The following GLE1 variants were observed in gnomAD, a reference collection of about 807,000 sequenced individuals.
GLE1 encodes mRNA export factor GLE1.
GLE1 carries 78 observed loss-of-function variants against 97.3 expected under a neutral mutation model. The ratio of observed to expected loss-of-function variants is 0.80; its 90% CI spans 0.67 to 0.97. GLE1 has a LOEUF of 0.97. GLE1 is among the 50% of genes least tolerant of loss of function. GLE1 has a pLI of 0.00. For synonymous variants in GLE1, 302 were observed against 313.4 expected (o/e 0.96, Z 0.39); for missense variants, 753 against 857.5 (o/e 0.88, Z 1.52).
At chr9:128,523,417 T>C in intron 5 of GLE1, 77 bp downstream of exon 5, 1 of 1,412,040 alleles carries the variant, frequency 7.1e-7, no homozygotes, top group Non-Finnish European at 1.0e-6. Context: ...TTTTGGCAGA[T>C]GGCCACCATG....
At chr9:128,517,895 A>G (rs1216919458) in intron 3 of GLE1, among the ~76,000 whole-genome samples, 7 of 151,870 alleles carry the variant, frequency 4.6e-5, no homozygotes, top group Non-Finnish European at 8.8e-5. Flanking sequence ...GTGTTCCTTG[A>G]TATACATGTC....
Position 128,533,956 on chromosome 9 carries a change from AGTT to A in GLE1, c.1646+9_1646+11del. On this transcript the variant is annotated splice_donor_region_variant and intron_variant, in intron 11 of 15. Coordinates refer to ENST00000309971, the MANE Select transcript of GLE1 (RefSeq NM_001003722.2). ...GGCTTTGGAAGACTATCAGAGGTAA[AGTT>A]GTTTTTCTCCCTACTCACTATCCCT... The A allele has an allele frequency of 6.3e-7, 1 of 1,593,656 alleles. No individual in the cohort carries two copies. The highest frequency in any genetic ancestry group is 8.6e-7 in the Non-Finnish European group (1 of 1,161,402).
chr9:128,537,406 T>C (rs1847746720), intron 12 of GLE1, among the ~76,000 whole-genome samples: 1 of 124,964 alleles, frequency 8.0e-6, no homozygotes, highest in Admixed American at 1.0e-4. Flanking sequence ...TGAGCCGAGA[T>C]CACGCCATTG....
chr9:128,533,455 AAAAG>A, intron 9 of GLE1, 54 bp from the exon 10 acceptor site: 1 of 1,216,880 alleles, frequency 8.2e-7, no homozygotes. Context: ...AAAAAAAAGG[AAAAG>A]AAAAAGAGAT....
chr9:128,523,359 T>G lies in GLE1; in HGVS notation c.642+19T>G. 1 of 1,603,134 alleles carries G rather than the reference T, an allele frequency of 6.2e-7. No individual in the cohort carries two copies. Among genetic ancestry groups the G allele is most frequent in the African/African-American group, 1.3e-5 (1 of 74,678 alleles). On this transcript the variant is annotated intron_variant, in intron 5 of 15. Coordinates refer to ENST00000309971, the MANE Select transcript of GLE1 (RefSeq NM_001003722.2). ...AGCAAAGGTCAGAGCCTGGCAGAAT[T>G]GGTGTGGGTGTTTTGGTGTCTGTCT...
rs1846589067 is a variant in GLE1, at chr9:128,504,752, G to C, written c.-54G>C. On this transcript the variant is annotated 5_prime_UTR_variant, in exon 1 of 16. Coordinates refer to ENST00000309971, the MANE Select transcript of GLE1 (RefSeq NM_001003722.2). Reference sequence around the variant, plus strand: ...GTGTGGCCTTCCCGGCGGCTGATTCGAGGGCTTGTTTGGTCAGAAGGGGGG... The same window carrying C: ...GTGTGGCCTTCCCGGCGGCTGATTCCAGGGCTTGTTTGGTCAGAAGGGGGG... 6.5e-6 allele frequency: 8 copies of C among 1,236,312 alleles called. No homozygotes were observed. The East Asian group carries it at 1.6e-4, about 25-fold the overall frequency. The allele number at this position is 1,236,312 out of a possible 1,614,324, so 76.6% of individuals were successfully genotyped here. A position where few individuals can be genotyped will look rare whatever the true frequency, so the allele number is the denominator to read the frequency against.
chr9:128,518,517 C>T (rs949292069), intron 3 of GLE1, among the ~76,000 whole-genome samples: 1 of 151,964 alleles, frequency 6.6e-6, no homozygotes, highest in Non-Finnish European at 1.5e-5. Flanking sequence ...GCCAAAATCG[C>T]ACCACTGTAC....
chr9:128,540,400 GA>G, intron 15 of GLE1, 62 bp downstream of exon 15: 1 of 1,036,736 alleles, frequency 9.6e-7, no homozygotes, highest in Admixed American at 1.7e-5. Context: ...ACCTATGTCT[GA>G]CAAGTCTTGG....
intron 9 of GLE1, among the ~76,000 whole-genome samples, chr9:128,531,550 C>T (rs1295532660): frequency 1.4e-5 from 2 of 142,274 alleles, no homozygotes; most frequent in African/African-American, 2.6e-5. Flanking sequence ...AAGTGGATGT[C>T]GCCGGGTGTG....
chr9:128,510,119 A>G (rs1289270404), intron 2 of GLE1, among the ~76,000 whole-genome samples: 3 of 151,808 alleles, frequency 2.0e-5, no homozygotes, highest in Non-Finnish European at 4.4e-5. Flanking sequence ...GTGCAGTGGC[A>G]TGAACATGGC....
chr9:128,525,551 T>G, intron 7 of GLE1, 128 bp downstream of exon 7: 1 of 728,980 alleles, frequency 1.4e-6, no homozygotes, highest in Non-Finnish European at 2.4e-6. Context: ...TGTATTTCAT[T>G]CAGTTTTGGT....
intron 3 of GLE1, 79 bp from the exon 4 acceptor site, chr9:128,522,589 T>G: frequency 2.1e-6 from 3 of 1,453,470 alleles, no homozygotes; most frequent in Non-Finnish European, 1.8e-6. Flanking sequence ...AGTTGGAGGT[T>G]GCAGTGAGCT....
At chr9:128,518,783 G>T (rs544040563) in intron 3 of GLE1, among the ~76,000 whole-genome samples, 1 of 150,102 alleles carries the variant, frequency 6.7e-6, no homozygotes, top group Non-Finnish European at 1.5e-5. Flanking sequence ...GAGGAGAATC[G>T]CTTGAACCCA....
chr9:128,533,199 G>A (rs1406298332), intron 9 of GLE1, among the ~76,000 whole-genome samples: 3 of 151,730 alleles, frequency 2.0e-5, no homozygotes, highest in East Asian at 1.9e-4. Flanking sequence ...CAAAGCGGGC[G>A]GATCACTTGA....
intron 2 of GLE1, among the ~76,000 whole-genome samples, chr9:128,510,860 A>C (rs1339628051): frequency 6.7e-6 from 1 of 148,636 alleles, no homozygotes; most frequent in East Asian, 2.0e-4. Context: ...TTTTACATAG[A>C]AAGTATTTTT....
At chr9:128,540,231 G>A (rs1273535975) in intron 14 of GLE1, 44 bp from the exon 15 acceptor site, 1 of 1,275,822 alleles carries the variant, frequency 7.8e-7, no homozygotes, top group African/African-American at 1.5e-5. Context: ...CAAAAGATAG[G>A]TGTATATCAT....
Position 128,509,047 on chromosome 9 carries a change from G to A in GLE1, c.271G>A (p.Ala91Thr), listed in dbSNP as rs377411601. The A allele has an allele frequency of 1.6e-5, 26 of 1,613,554 alleles. No individual in the cohort carries two copies. Among genetic ancestry groups the A allele is most frequent in the African/African-American group, 5.3e-5 (4 of 74,896 alleles). The change falls in exon 2 of 16, where the codon GCA becomes ACA. Residue 91 changes from alanine (A) to threonine (T), a missense_variant. Coordinates refer to ENST00000309971, the MANE Select transcript of GLE1 (RefSeq NM_001003722.2). ...QPSFVPKSPD[A>T]SSAFSPASPA... ...CTCATTTGTTCCCAAATCTCCTGAC[G>A]CAAGCTCTGCCTTTTCCCCAGCCTC...
rs1054971044 is a variant in GLE1, at chr9:128,520,410, GTA to G, written c.433-2250_433-2249del. Among the ~76,000 whole-genome samples the G allele has an allele frequency of 3.7e-4, 53 of 143,914 alleles. No homozygotes were observed. The East Asian group carries it at 4.7e-3, about 13-fold the overall frequency. 94.4% of individuals were successfully genotyped at this position (143,914 alleles called of 152,430 possible). A position where few individuals can be genotyped will look rare whatever the true frequency, so the allele number is the denominator to read the frequency against. Reference sequence around the variant, plus strand: ...TGTATATATGTATGTGTGTATATATGTATATATATGTATATATGTATATATAT... The same window carrying G: ...TGTATATATGTATGTGTGTATATATGTATATATGTATATATGTATATATAT... On this transcript the variant is annotated intron_variant, in intron 3 of 15. Coordinates refer to ENST00000309971, the MANE Select transcript of GLE1 (RefSeq NM_001003722.2).
At chr9:128,533,479 G>A (rs1052832986) in intron 9 of GLE1, 34 bp from the exon 10 acceptor site, 3 of 1,401,024 alleles carry the variant, frequency 2.1e-6, no homozygotes, top group Non-Finnish European at 3.0e-6. Flanking sequence ...TTGATCTGTG[G>A]TTATATCTTT....
Sources: allele counts gnomAD v4.1 joint callset (sites outside exome capture counted in the v4.1 genomes callset), GRCh38; gene constraint gnomAD v4.1.1; transcripts MANE v1.5; gene names NCBI Gene and HGNC (gene_info 2026-07-23, HGNC 2026-07-21).